The following SLC36A1 variants were observed in gnomAD, a reference collection of about 807,000 sequenced individuals.
SLC36A1 encodes solute carrier family 36 member 1.
A neutral mutation model predicts 47.5 loss-of-function variants in SLC36A1; 30 were observed. The ratio of observed to expected loss-of-function variants is 0.63; its 90% CI spans 0.47 to 0.86. The LOEUF (loss-of-function observed/expected upper bound fraction) is 0.86. Among genes scored for constraint, SLC36A1 ranks in the 40% least tolerant of loss-of-function variants. The probability of loss-of-function intolerance (pLI) is 0.00; values close to 1 mark genes in which losing one functional copy is unlikely to be tolerated. For missense variants in SLC36A1, 517 were observed against 606.0 expected (o/e 0.85, Z 1.54); for synonymous variants, 255 against 249.7 (o/e 1.02, Z -0.20).
chr5:151,428,019 G>A, the SLC36A1 span, among the ~76,000 whole-genome samples: 1 of 152,124 alleles, frequency 6.6e-6, no homozygotes, highest in Admixed American at 6.5e-5. Flanking sequence ...CTACAGCCTC[G>A]TGCTCCTGAC....
chr5:151,390,955 G>T, the SLC36A1 span, among the ~76,000 whole-genome samples: 8 of 152,174 alleles, frequency 5.3e-5, no homozygotes, highest in Admixed American at 5.2e-4. Context: ...AAAGTCATTG[G>T]TAGCTTGACG....
upstream of SLC36A1, among the ~76,000 whole-genome samples, chr5:151,433,605 T>A (rs545038052): frequency 2.4e-4 from 36 of 151,944 alleles, no homozygotes; most frequent in East Asian, 6.4e-3. Flanking sequence ...TAACATATTT[T>A]AAAAAAATTC....
the SLC36A1 span, chr5:151,528,180 C>A: frequency 1.1e-5 from 17 of 1,604,434 alleles, no homozygotes; most frequent in African/African-American, 2.7e-5. Context: ...GGAATCTTGA[C>A]CCCTGGGAGT....
chr5:151,458,311 C>CGT (rs1491554377), intron 1 of SLC36A1, among the ~76,000 whole-genome samples: 2 of 43,902 alleles, frequency 4.6e-5, no homozygotes, highest in Non-Finnish European at 8.4e-5. Flanking sequence ...CGTGTATATA[C>CGT]GTATATATAT....
chr5:151,513,199 A>G, the SLC36A1 span, among the ~76,000 whole-genome samples: 1 of 152,244 alleles, frequency 6.6e-6, no homozygotes, highest in South Asian at 2.1e-4. Context: ...AAGCCAGGCA[A>G]AAGAGAGGCT....
At chr5:151,396,029 C>T in the SLC36A1 span, among the ~76,000 whole-genome samples, 4 of 151,966 alleles carry the variant, frequency 2.6e-5, no homozygotes, top group African/African-American at 4.8e-5. Flanking sequence ...AGGCTGGTCT[C>T]GTACTCCTGA....
chr5:151,503,711 C>T, the SLC36A1 span, among the ~76,000 whole-genome samples: 8 of 152,114 alleles, frequency 5.3e-5, no homozygotes, highest in Admixed American at 2.0e-4. Context: ...GTCCCTTCTC[C>T]GTAACTAATG....
At chr5:151,513,061 T>C in the SLC36A1 span, among the ~76,000 whole-genome samples, 2 of 152,342 alleles carry the variant, frequency 1.3e-5, no homozygotes, top group Non-Finnish European at 2.9e-5. Flanking sequence ...GGGCAAAGTA[T>C]TTTTATAGTA....
At chr5:151,345,717 C>G in the SLC36A1 span, among the ~76,000 whole-genome samples, 1 of 152,164 alleles carries the variant, frequency 6.6e-6, no homozygotes, top group East Asian at 1.9e-4. Context: ...CTTAGGAAAT[C>G]AGAATTTAAC....
At chr5:151,438,067 C>T (rs1759876502) in intron 1 of SLC36A1, among the ~76,000 whole-genome samples, 1 of 152,132 alleles carries the variant, frequency 6.6e-6, no homozygotes, top group Admixed American at 6.5e-5. Flanking sequence ...ATAGTCATTT[C>T]ACCTCGAGAT....
At chr5:151,505,223 A>G in the SLC36A1 span, 1 of 396,486 alleles carries the variant, frequency 2.5e-6, no homozygotes, top group South Asian at 2.8e-5. Context: ...CAGCACAGTC[A>G]ATCAGGCTCT....
the SLC36A1 span, among the ~76,000 whole-genome samples, chr5:151,410,522 T>C: frequency 6.9e-6 from 1 of 144,606 alleles, no homozygotes; most frequent in Admixed American, 6.8e-5. Context: ...GGTGAATAAA[T>C]TATATATGGC....
the SLC36A1 span, among the ~76,000 whole-genome samples, chr5:151,368,679 C>CT: frequency 6.6e-6 from 1 of 152,104 alleles, no homozygotes; most frequent in African/African-American, 2.4e-5. Context: ...TAGATTTCTC[C>CT]TTTTTTCTGG....
At position 151,473,775 on chromosome 5, in the gene SLC36A1, A is replaced by G. The variant is rs768951043; in HGVS notation, c.822+4A>G. The G allele has an allele frequency of 6.2e-7, 1 of 1,607,946 alleles. No individual in the cohort carries two copies. ...TTCATTTGAAGGCATTGGAATGGTAAGAGCTGCACTGTGATTTGGGCTAGT... is the reference window on the plus strand; with the variant it reads ...TTCATTTGAAGGCATTGGAATGGTAGGAGCTGCACTGTGATTTGGGCTAGT... On this transcript the variant is annotated splice_donor_region_variant and intron_variant, in intron 8 of 10. Transcript: ENST00000243389.
the SLC36A1 span, chr5:151,551,735 G>T: frequency 2.3e-6 from 2 of 859,884 alleles, no homozygotes; most frequent in Non-Finnish European, 3.4e-6. Context: ...TGAGTGACAG[G>T]TTGTAGTTTA....
At chr5:151,362,593 G>T in the SLC36A1 span, among the ~76,000 whole-genome samples, 1 of 151,866 alleles carries the variant, frequency 6.6e-6, no homozygotes, top group African/African-American at 2.4e-5. Flanking sequence ...GTTTCACCAT[G>T]TTGGCTGTGC....
chr5:151,467,674 G>A lies in SLC36A1; in HGVS notation c.505-33G>A, dbSNP rs193275166. Reference sequence around the variant, plus strand: ...TCCACCGGCCTCTGTTGTTTGAGAGGTGTTTCCGTTTTCTTCCTTCCCCTC... The same window carrying A: ...TCCACCGGCCTCTGTTGTTTGAGAGATGTTTCCGTTTTCTTCCTTCCCCTC... On this transcript the variant is annotated intron_variant, in intron 6 of 10. Coordinates refer to ENST00000243389, the MANE Select transcript of SLC36A1 (RefSeq NM_078483.4). 228 of 1,564,530 alleles carry A rather than the reference G, an allele frequency of 1.5e-4. No homozygotes were observed. The African/African-American group carries it at 2.5e-3, about 17-fold the overall frequency.
the SLC36A1 span, among the ~76,000 whole-genome samples, chr5:151,409,918 C>T: frequency 6.6e-6 from 1 of 152,208 alleles, no homozygotes; most frequent in Non-Finnish European, 1.5e-5. Context: ...CAAGGTGATT[C>T]TGATGCTCAT....
the SLC36A1 span, chr5:151,537,739 C>T: frequency 6.5e-7 from 1 of 1,549,584 alleles, no homozygotes; most frequent in Non-Finnish European, 8.8e-7. Context: ...GCACTGGGCA[C>T]TTGGTATTCA....
Sources: allele counts gnomAD v4.1 joint callset (sites outside exome capture counted in the v4.1 genomes callset), GRCh38; gene constraint gnomAD v4.1.1; transcripts MANE v1.5; gene names NCBI Gene and HGNC (gene_info 2026-07-23, HGNC 2026-07-21).